The following EIF4G3 variants were observed in gnomAD, a reference collection of about 807,000 sequenced individuals.
EIF4G3 encodes the protein eIF-4-gamma 3.
Under a neutral mutation model 186.4 loss-of-function variants are expected in EIF4G3, and 34 were observed. That is an observed-to-expected ratio of 0.18 (90% CI 0.14 to 0.24). The LOEUF (loss-of-function observed/expected upper bound fraction) is 0.24. EIF4G3 is among the 10% of genes least tolerant of loss of function. EIF4G3 has a pLI of 1.00. For synonymous variants in EIF4G3, 673 were observed against 679.5 expected, an observed-to-expected ratio of 0.99 and a Z score of 0.15; for missense variants, 1,536 against 1,948.5, an observed-to-expected ratio of 0.79 and a Z score of 3.99.
At chr1:21,157,883 T>C (rs1038916056) in intron 2 of EIF4G3, among the ~76,000 whole-genome samples, 29 of 152,318 alleles carry the variant, frequency 1.9e-4, no homozygotes, top group Admixed American at 7.2e-4. Flanking sequence ...CAGTTGAGCC[T>C]GCAGCTGAAT....
intron 4 of EIF4G3, among the ~76,000 whole-genome samples, chr1:21,041,984 CTTTTCT>C (rs933060930): frequency 6.7e-6 from 1 of 149,848 alleles, no homozygotes; most frequent in African/African-American, 2.4e-5. Context: ...AATTTCTTTT[CTTTTCT>C]TTTTTTTTTT....
chr1:20,956,404 G>C (rs751834061), intron 12 of EIF4G3, among the ~76,000 whole-genome samples: 1 of 152,078 alleles, frequency 6.6e-6, no homozygotes, highest in Non-Finnish European at 1.5e-5. Context: ...CAACAGAGGA[G>C]AGGCAAGACA....
chr1:21,059,192 A>G (rs2094747755), intron 3 of EIF4G3, among the ~76,000 whole-genome samples: 1 of 152,172 alleles, frequency 6.6e-6, no homozygotes, highest in Admixed American at 6.5e-5. Context: ...TTATTTAGTG[A>G]GGTCATCTCA....
intron 20 of EIF4G3, among the ~76,000 whole-genome samples, chr1:20,874,833 C>CA (rs2080290397): frequency 6.6e-6 from 1 of 152,120 alleles, no homozygotes; most frequent in African/African-American, 2.4e-5. Context: ...GTTAGCTTTT[C>CA]AAATTTAGAT....
intron 2 of EIF4G3, among the ~76,000 whole-genome samples, chr1:21,092,162 T>C (rs2101403061): frequency 6.6e-6 from 1 of 152,296 alleles, no homozygotes; most frequent in African/African-American, 2.4e-5. Context: ...TTGAGATACG[T>C]CCCATCAATA....
intron 12 of EIF4G3, among the ~76,000 whole-genome samples, chr1:20,957,755 A>C (rs2096470546): frequency 6.6e-6 from 1 of 152,182 alleles, no homozygotes; most frequent in African/African-American, 2.4e-5. Flanking sequence ...ACATCACTCG[A>C]GACTACTATG....
intron 2 of EIF4G3, among the ~76,000 whole-genome samples, chr1:21,138,925 C>T (rs919021684): frequency 6.6e-6 from 1 of 152,140 alleles, no homozygotes; most frequent in East Asian, 1.9e-4. Flanking sequence ...CACCCTGCCA[C>T]CCAGGCTAGA....
At position 20,909,201 on chromosome 1, in the gene EIF4G3, C is replaced by T. The variant is rs924391405; in HGVS notation, c.1664-4230G>A. Among the ~76,000 whole-genome samples, 35 of 151,666 alleles carry T rather than the reference C, an allele frequency of 2.3e-4. 1 individual carries two copies. The highest frequency in any genetic ancestry group is 5.8e-4 in the African/African-American group (24 of 41,282). Reference sequence around the variant, plus strand: ...AAAACTTTTATGTAAAATTGTTGTACGTCTTAAAGGGATAGCAGAGTCAAG... The same window carrying T: ...AAAACTTTTATGTAAAATTGTTGTATGTCTTAAAGGGATAGCAGAGTCAAG... On this transcript the variant is annotated intron_variant, in intron 14 of 36. Transcript: ENST00000602326.
chr1:21,051,401 T>C (rs2094205300), intron 3 of EIF4G3, among the ~76,000 whole-genome samples: 1 of 152,218 alleles, frequency 6.6e-6, no homozygotes, highest in Non-Finnish European at 1.5e-5. Context: ...AGAACTGTTC[T>C]GTATCATGCT....
chr1:20,886,759 A>C (rs921741523), intron 18 of EIF4G3, among the ~76,000 whole-genome samples: 1 of 152,206 alleles, frequency 6.6e-6, no homozygotes, highest in African/African-American at 2.4e-5. Context: ...CTGGGTTTCT[A>C]CAATCCCAGG....
intron 20 of EIF4G3, 137 bp from the exon 21 acceptor site, chr1:20,865,399 C>A: frequency 1.2e-6 from 1 of 852,962 alleles, no homozygotes; most frequent in East Asian, 2.7e-5. Flanking sequence ...AATATAGCTT[C>A]AGGCATTTCA....
At chr1:20,950,258 T>C in intron 12 of EIF4G3, 147 bp from the exon 13 acceptor site, 2 of 488,740 alleles carry the variant, frequency 4.1e-6, no homozygotes, top group Non-Finnish European at 7.1e-6. Flanking sequence ...TATAGTCCAA[T>C]TTAATAAATT....
At chr1:20,881,884 C>T (rs758381928) in intron 19 of EIF4G3, among the ~76,000 whole-genome samples, 55 of 151,202 alleles carry the variant, frequency 3.6e-4, no homozygotes, top group African/African-American at 1.2e-3. Flanking sequence ...GAAATGAGGC[C>T]GGGTGCAGTG....
chr1:21,113,484 T>A (rs909567914), intron 2 of EIF4G3, among the ~76,000 whole-genome samples: 3 of 152,166 alleles, frequency 2.0e-5, no homozygotes, highest in East Asian at 1.9e-4. Context: ...GCTTTTTTTT[T>A]AATTACACCA....
chr1:20,840,504 G>C (rs2068220728), intron 30 of EIF4G3, among the ~76,000 whole-genome samples: 1 of 152,152 alleles, frequency 6.6e-6, no homozygotes, highest in Non-Finnish European at 1.5e-5. Flanking sequence ...TTCTCACAAA[G>C]AAAAGCTTTT....
At chr1:20,816,320 AGGCGGGGGGGGGGGG>A (rs762415332) in intron 34 of EIF4G3, among the ~76,000 whole-genome samples, 1,256 of 2,734 alleles carry the variant, frequency 0.46, 280 homozygotes, top group South Asian at 0.78. Flanking sequence ...TCCGGGAGGG[AGGCGGGGGGGGGGGG>A]GGTCGGCCAG....
chr1:21,155,690 C>T (rs1017877380), intron 2 of EIF4G3, among the ~76,000 whole-genome samples: 5 of 151,904 alleles, frequency 3.3e-5, no homozygotes, highest in African/African-American at 1.2e-4. Context: ...GAGTGAAACT[C>T]CATCTAAAAA....
chr1:21,073,428 C>T lies in EIF4G3; in HGVS notation c.-196+15710G>A, dbSNP rs142740681. Among the ~76,000 whole-genome samples, 65 of 152,300 alleles carry T rather than the reference C, an allele frequency of 4.3e-4. No homozygotes were observed. The East Asian group carries it at 6.6e-3, about 15-fold the overall frequency. On this transcript the variant is annotated intron_variant, in intron 3 of 36. Transcript: ENST00000602326. ...AAAGGAAATGCTCTACTGGACAGCACGGTTCTGAGCCACCAATCATCAGGA... is the reference window on the plus strand; with the variant it reads ...AAAGGAAATGCTCTACTGGACAGCATGGTTCTGAGCCACCAATCATCAGGA...
At chr1:20,950,214 C>A in intron 12 of EIF4G3, 103 bp from the exon 13 acceptor site, 2 of 685,692 alleles carry the variant, frequency 2.9e-6, no homozygotes, top group Non-Finnish European at 2.2e-6. Flanking sequence ...CACAGGAGAT[C>A]ACAAAATTAA....
Sources: allele counts gnomAD v4.1 joint callset (sites outside exome capture counted in the v4.1 genomes callset), GRCh38; gene constraint gnomAD v4.1.1; transcripts MANE v1.5; gene names NCBI Gene and HGNC (gene_info 2026-07-23, HGNC 2026-07-21).